RPLP2: variants seen among roughly 807,000 people sequenced by gnomAD.
RPLP2 encodes the protein ribosomal protein lateral stalk subunit P2.
RPLP2 carries 1 observed loss-of-function variant against 11.5 expected under a neutral mutation model. The observed-to-expected ratio is 0.09, with a 90% confidence interval of 0.03 to 0.41. RPLP2 has a LOEUF of 0.41. Ranked by LOEUF, RPLP2 falls within the 10% of genes least tolerant of loss-of-function variation. The pLI, the probability that RPLP2 is intolerant of heterozygous loss-of-function variation, is 0.98. For synonymous variants in RPLP2, 82 were observed against 55.9 expected (o/e 1.47, Z -2.08); for missense variants, 177 against 145.6 (o/e 1.22, Z -1.11).
chr11:811,348 G>C, intron 2 of RPLP2: 1 of 566,088 alleles, frequency 1.8e-6, no homozygotes, highest in Non-Finnish European at 3.2e-6. Context: ...AGATACCTAT[G>C]AGTAGTCAAC....
chr11:810,217 C>G lies in RPLP2; in HGVS notation c.-1-17C>G, dbSNP rs1268623490. The G allele has an allele frequency of 2.2e-5, 33 of 1,518,218 alleles. No homozygotes were observed. Among genetic ancestry groups the G allele is most frequent in the Non-Finnish European group, 2.9e-5 (33 of 1,129,948 alleles). 94.0% of individuals were successfully genotyped at this position (1,518,218 alleles called of 1,614,324 possible). A position where few individuals can be genotyped will look rare whatever the true frequency, so the allele number is the denominator to read the frequency against. ...GCCGGGGTAACTCCGCCGTCGCGTCCTCTCCGCCCGCCTCAGGATGCGCTA... is the reference window on the plus strand; with the variant it reads ...GCCGGGGTAACTCCGCCGTCGCGTCGTCTCCGCCCGCCTCAGGATGCGCTA... On this transcript the variant is annotated splice_polypyrimidine_tract_variant and intron_variant, in intron 1 of 4. Transcript: ENST00000321153.
At position 810,881 on chromosome 11, in the gene RPLP2, CG is replaced by C. The variant is rs1205844589; in HGVS notation, c.123+525del. ...AATACCAGTGAGCTGCGTAAGATTG[CG>C]TTAAAAAAAAAAAAAAGCAGTCCTG... On this transcript the variant is annotated intron_variant, in intron 2 of 4. Transcript: ENST00000321153. Among the ~76,000 whole-genome samples, 272 of 103,674 alleles carry C rather than the reference CG, an allele frequency of 2.6e-3. 1 individual carries two copies. The highest frequency in any genetic ancestry group is 5.5e-3 in the African/African-American group (188 of 34,306). 68.0% of individuals were successfully genotyped at this position (103,674 alleles called of 152,430 possible).
rs1175174524 is a variant in RPLP2, at chr11:812,316, C to T, written c.173-219C>T. On this transcript the variant is annotated intron_variant, in intron 3 of 4. Coordinates refer to ENST00000321153, the MANE Select transcript of RPLP2 (RefSeq NM_001004.4). ...GCAGGCAGGCAGTGTGGGCCTAATT[C>T]CTAGAAGGCAAGTCCCTGGATAGGA... The T allele has an allele frequency of 8.2e-6, 5 of 607,952 alleles. No homozygotes were observed. The African/African-American group carries it at 9.2e-5, about 11-fold the overall frequency. 37.7% of individuals were successfully genotyped at this position (607,952 alleles called of 1,614,324 possible). A position where few individuals can be genotyped will look rare whatever the true frequency, so the allele number is the denominator to read the frequency against.
intron 2 of RPLP2, among the ~76,000 whole-genome samples, chr11:810,985 A>G (rs1866024926): frequency 6.7e-6 from 1 of 148,730 alleles, no homozygotes; most frequent in Admixed American, 6.8e-5. Flanking sequence ...GGTCTGGAAA[A>G]CATTGCAAGA....
In RPLP2 at chr11:812,860, G is replaced by T; in HGVS notation, c.*24G>T. The stretch of plus-strand genomic sequence containing the variant: ...AAATTCCTGCTCCCCTGCAAATAAA[G>T]CCTTTTTACACATCTCTCAAGTATT... On this transcript the variant is annotated 3_prime_UTR_variant, in exon 5 of 5. Transcript: ENST00000321153. 1 of 1,611,096 alleles carries T rather than the reference G, an allele frequency of 6.2e-7. No individual in the cohort carries two copies. The highest frequency in any genetic ancestry group is 8.5e-7 in the Non-Finnish European group (1 of 1,178,826).
chr11:811,681 TGGTCCATCCTAATCCCTGCC>T (rs762845168), intron 3 of RPLP2, 36 bp downstream of exon 3: 1 of 1,613,948 alleles, frequency 6.2e-7, no homozygotes, highest in Non-Finnish European at 8.5e-7. Flanking sequence ...TTTGTTTTCA[TGGTCCATCCTAATCCCTGCC>T]GGTCCATCTG....
intron 2 of RPLP2, among the ~76,000 whole-genome samples, chr11:810,678 C>T (rs565471272): frequency 2.0e-5 from 3 of 151,806 alleles, no homozygotes; most frequent in Non-Finnish European, 4.4e-5. Context: ...CCTGTAGTCC[C>T]CCTACTTGGG....
In RPLP2 at chr11:811,541, G is replaced by A. The variant is rs534075614; in HGVS notation, c.124-56G>A. 5.5e-5 allele frequency: 88 copies of A among 1,609,172 alleles called. No homozygotes were observed. In the Admixed American group the frequency reaches 8.7e-4, roughly 16 times the overall value. On this transcript the variant is annotated intron_variant, in intron 2 of 4. Transcript: ENST00000321153. The stretch of plus-strand genomic sequence containing the variant: ...TCCTGCTGTGACTCTGGGAGGGAGA[G>A]GGCCGGGGATACAATCGTACATTCC...
In RPLP2 at chr11:812,431, A is replaced by T. The variant is rs141992258; in HGVS notation, c.173-104A>T. 584 of 1,473,734 alleles carry T rather than the reference A, an allele frequency of 4.0e-4. 1 individual carries two copies. The highest frequency in any genetic ancestry group is 4.8e-4 in the Non-Finnish European group (519 of 1,082,690). The allele number at this position is 1,473,734 out of a possible 1,614,324, so 91.3% of individuals were successfully genotyped here. A position where few individuals can be genotyped will look rare whatever the true frequency, so the allele number is the denominator to read the frequency against. Reference sequence around the variant, plus strand: ...AGACACTGGCATATGGTGGGTCCAGATATGTTGGGTGCCATGTGCCATCTC... The same window carrying T: ...AGACACTGGCATATGGTGGGTCCAGTTATGTTGGGTGCCATGTGCCATCTC... On this transcript the variant is annotated intron_variant, in intron 3 of 4. Coordinates refer to ENST00000321153, the MANE Select transcript of RPLP2 (RefSeq NM_001004.4).
intron 2 of RPLP2, 65 bp downstream of exon 2, chr11:810,422 G>A (rs1865994388): frequency 9.5e-6 from 14 of 1,470,398 alleles, no homozygotes; most frequent in African/African-American, 1.4e-5. Flanking sequence ...CGATTCTTCT[G>A]CCTGATCCGG....
Position 810,323 on chromosome 11 carries a change from T to C in RPLP2, c.89T>C (p.Val30Ala). Residue 30 changes from valine to alanine, a missense_variant, in exon 2 of 5, where the codon GTG becomes GCG. By Grantham distance (64) the Val-to-Ala change is moderately conservative. Transcript: ENST00000321153. ...AKDIKKILDS[V>A]GIEADDDRLN... is the part of the protein sequence containing the mutation. ...GACATCAAGAAGATCTTGGACAGCG[T>C]GGGTATCGAGGCGGACGACGACCGG... 1.2e-6 allele frequency: 2 copies of C among 1,608,762 alleles called. No homozygotes were observed. The highest frequency in any genetic ancestry group is 8.5e-7 in the Non-Finnish European group (1 of 1,178,182).
At chr11:810,613 T>G in intron 2 of RPLP2, 1 of 344,466 alleles carries the variant, frequency 2.9e-6, no homozygotes, top group Non-Finnish European at 5.3e-6. Flanking sequence ...GGTAAACATG[T>G]CGAAACCCCA....
chr11:810,281 C>T lies in RPLP2; in HGVS notation c.47C>T (p.Ser16Phe). ...SYLLAALGGNSSPSAKDIKKI... is the reference protein window; with the variant it reads ...SYLLAALGGNFSPSAKDIKKI... Reference sequence around the variant, plus strand: ...CTGCTGGCTGCCCTAGGGGGCAACTCCTCCCCCAGCGCCAAGGACATCAAG... The same window carrying T: ...CTGCTGGCTGCCCTAGGGGGCAACTTCTCCCCCAGCGCCAAGGACATCAAG... The change falls in exon 2 of 5, where the codon TCC becomes TTC. Residue 16 changes from serine to phenylalanine, a missense_variant. By Grantham distance (155) the Ser-to-Phe change is radical (BLOSUM62 -2). Coordinates refer to ENST00000321153, the MANE Select transcript of RPLP2 (RefSeq NM_001004.4). 1.9e-6 allele frequency: 3 copies of T among 1,607,742 alleles called. No homozygotes were observed. The highest frequency in any genetic ancestry group is 2.5e-6 in the Non-Finnish European group (3 of 1,178,118).
Position 810,433 on chromosome 11 carries a change from C to T in RPLP2, c.123+76C>T. ...CAGGCGATTCTTCTGCCTGATCCGG[C>T]CACATGCTGGAGGGTTCGGGGAGAG... On this transcript the variant is annotated intron_variant, in intron 2 of 4. Transcript: ENST00000321153. The T allele has an allele frequency of 3.5e-6, 5 of 1,414,200 alleles. No individual in the cohort carries two copies. The South Asian group carries it at 5.0e-5, about 14-fold the overall frequency. The allele number at this position is 1,414,200 out of a possible 1,614,324, so 87.6% of individuals were successfully genotyped here.
At chr11:811,714 G>T in intron 3 of RPLP2, 69 bp downstream of exon 3, 1 of 1,604,766 alleles carries the variant, frequency 6.2e-7, no homozygotes, top group Non-Finnish European at 8.5e-7. Flanking sequence ...TCCATCTGTG[G>T]CCTGCCAGGT....
intron 2 of RPLP2, among the ~76,000 whole-genome samples, chr11:810,872 G>C (rs554479900): frequency 2.5e-4 from 35 of 137,290 alleles, no homozygotes; most frequent in Middle Eastern, 3.6e-3. Context: ...AGTGAGCTGC[G>C]TAAGATTGCG....
Position 812,555 on chromosome 11 carries a change from G to T in RPLP2, c.193G>T (p.Val65Leu). The part of the protein sequence containing the change: ...IAQGIGKLAS[V>L]PAGGAVAVSA... Reference sequence around the variant, plus strand: ...TGTAGGTATTGGCAAGCTTGCCAGTGTACCTGCTGGTGGGGCTGTAGCCGT... The same window carrying T: ...TGTAGGTATTGGCAAGCTTGCCAGTTTACCTGCTGGTGGGGCTGTAGCCGT... The change falls in exon 4 of 5, where the codon GTA (valine) becomes TTA (leucine). Residue 65 changes from valine to leucine, a missense_variant. Physicochemically the swap from Val to Leu is conservative, Grantham distance 32. Transcript: ENST00000321153. 1 of 1,609,570 alleles carries T rather than the reference G, an allele frequency of 6.2e-7. No homozygotes were observed. Among genetic ancestry groups the T allele is most frequent in the Non-Finnish European group, 8.5e-7 (1 of 1,179,862 alleles).
chr11:811,456 C>G (rs116068818), intron 2 of RPLP2, 141 bp from the exon 3 acceptor site: 1 of 882,332 alleles, frequency 1.1e-6, no homozygotes, highest in Non-Finnish European at 1.8e-6. Flanking sequence ...AGGCTGGTGG[C>G]TCCCTTTGGG....
chr11:811,347 T>C lies in RPLP2; in HGVS notation c.124-250T>C, dbSNP rs2133836280. The C allele has an allele frequency of 7.1e-6, 4 of 564,456 alleles. No homozygotes were observed. The East Asian group carries it at 8.9e-5, about 13-fold the overall frequency. The allele number at this position is 564,456 out of a possible 1,614,324, so 35.0% of individuals were successfully genotyped here. The stretch of plus-strand genomic sequence containing the variant: ...ATTTTGCCAGTGTTGAAGATACCTA[T>C]GAGTAGTCAACATAAGTAGTGAGAT... On this transcript the variant is annotated intron_variant, in intron 2 of 4. Coordinates refer to ENST00000321153, the MANE Select transcript of RPLP2 (RefSeq NM_001004.4).
Sources: allele counts gnomAD v4.1 joint callset (sites outside exome capture counted in the v4.1 genomes callset), GRCh38; gene constraint gnomAD v4.1.1; transcripts MANE v1.5; gene names NCBI Gene and HGNC (gene_info 2026-07-23, HGNC 2026-07-21).